TMEM242: variants seen among roughly 807,000 people sequenced by gnomAD.
TMEM242 encodes the protein transmembrane protein 242.
In TMEM242, 10 loss-of-function variants were observed where a neutral mutation model predicts 18.2. That is an observed-to-expected ratio of 0.55 (90% CI 0.34 to 0.93). The LOEUF is 0.93. Among genes scored for constraint, TMEM242 ranks in the 40% least tolerant of loss-of-function variants. TMEM242 has a pLI of 0.02. For missense variants in TMEM242, 186 were observed against 175.5 expected (o/e 1.06, Z -0.34); for synonymous variants, 57 against 69.9 (o/e 0.81, Z 0.92).
chr6:157,294,509 C>T (rs1270574080), intron 3 of TMEM242, among the ~76,000 whole-genome samples: 4 of 151,580 alleles, frequency 2.6e-5, no homozygotes, highest in Non-Finnish European at 4.4e-5. Context: ...CGCCACTACG[C>T]CCGGCTAATT....
intron 3 of TMEM242, among the ~76,000 whole-genome samples, chr6:157,297,216 TGGTAA>T (rs371830909): frequency 4.3e-4 from 65 of 152,300 alleles, no homozygotes; most frequent in Middle Eastern, 3.4e-3. Flanking sequence ...GTGCCATGGC[TGGTAA>T]GAGCAAATCT....
intron 3 of TMEM242, among the ~76,000 whole-genome samples, chr6:157,312,986 A>G (rs374127034): frequency 0.05 from 240 of 4,796 alleles, no homozygotes; most frequent in East Asian, 0.054. Context: ...GCGCTCACCT[A>G]GCCTCATCAT....
intron 3 of TMEM242, among the ~76,000 whole-genome samples, chr6:157,312,798 C>A (rs1441881912): frequency 1.5e-5 from 2 of 135,280 alleles, no homozygotes; most frequent in African/African-American, 5.8e-5. Context: ...ATCATAATGC[C>A]CCAGTGTGAA....
intron 3 of TMEM242, among the ~76,000 whole-genome samples, chr6:157,312,354 C>T (rs1343155093): frequency 1.7e-5 from 2 of 120,852 alleles, no homozygotes; most frequent in African/African-American, 5.9e-5. Flanking sequence ...CTAGCCTCAT[C>T]ATGTCCCAGT....
At chr6:157,300,171 C>A in intron 3 of TMEM242, 1 of 528,680 alleles carries the variant, frequency 1.9e-6, no homozygotes. Flanking sequence ...AAGAAAACTG[C>A]TGACCAGGAC....
chr6:157,315,122 G>C (rs1176009067), intron 3 of TMEM242, among the ~76,000 whole-genome samples: 1 of 152,198 alleles, frequency 6.6e-6, no homozygotes, highest in African/African-American at 2.4e-5. Flanking sequence ...GTCATACAAA[G>C]ATGAGACAGT....
intron 3 of TMEM242, among the ~76,000 whole-genome samples, chr6:157,311,343 C>G (rs1778076291): frequency 7.3e-6 from 1 of 136,192 alleles, no homozygotes; most frequent in Non-Finnish European, 1.6e-5. Flanking sequence ...TCATAGTGTC[C>G]CAGTGTGCGC....
In TMEM242 at chr6:157,292,645, T is replaced by C. The variant is rs1289533665; in HGVS notation, c.*256A>G. Reference sequence around the variant, plus strand: ...ACAAACAGAATCATTTCCTATGGGGTCCCCTCCACATAAGGAAGTTATTCC... The same window carrying C: ...ACAAACAGAATCATTTCCTATGGGGCCCCCTCCACATAAGGAAGTTATTCC... On this transcript the variant is annotated 3_prime_UTR_variant, in exon 4 of 4. Coordinates refer to ENST00000400788, the MANE Select transcript of TMEM242 (RefSeq NM_018452.6). 5.9e-6 allele frequency: 2 copies of C among 339,648 alleles called. No homozygotes were observed. The highest frequency in any genetic ancestry group is 1.1e-5 in the Non-Finnish European group (2 of 188,862). 21.0% of individuals were successfully genotyped at this position (339,648 alleles called of 1,614,324 possible).
At chr6:157,293,985 T>G (rs1777716873) in intron 3 of TMEM242, among the ~76,000 whole-genome samples, 1 of 152,142 alleles carries the variant, frequency 6.6e-6, no homozygotes, top group Non-Finnish European at 1.5e-5. Context: ...TCTCCCAAAG[T>G]GCTGAGATCA....
At chr6:157,312,918 GGCATCATCATAGTGCCCCAGTGTGCGC>G (rs1778228466) in intron 3 of TMEM242, among the ~76,000 whole-genome samples, 2 of 1,378 alleles carry the variant, frequency 1.5e-3, no homozygotes, top group African/African-American at 5.3e-3. Context: ...GCGCTCACCC[GGCATCATCATAGTGCCCCAGTGTGCGC>G]TCACCCGGCC....
At chr6:157,302,714 G>T (rs1777847243) in intron 3 of TMEM242, among the ~76,000 whole-genome samples, 1 of 152,214 alleles carries the variant, frequency 6.6e-6, no homozygotes. Flanking sequence ...TAGCTAGACA[G>T]CTCCCTAGTG....
Position 157,290,215 on chromosome 6 carries a change from G to A in TMEM242, c.*2686C>T, listed in dbSNP as rs1230191060. 1 of 152,120 alleles carries A rather than the reference G, an allele frequency of 6.6e-6. No individual in the cohort carries two copies. Among genetic ancestry groups the A allele is most frequent in the African/African-American group, 2.4e-5 (1 of 41,386 alleles). 9.4% of individuals were successfully genotyped at this position (152,120 alleles called of 1,614,324 possible). On this transcript the variant is annotated 3_prime_UTR_variant, in exon 4 of 4. Coordinates refer to ENST00000400788, the MANE Select transcript of TMEM242 (RefSeq NM_018452.6). ...GTGTAAAGCTTAACACTCACCCAGT[G>A]GAAGCAACAGCCTTACCGAAAGCCT...
At chr6:157,311,101 T>A in intron 3 of TMEM242, among the ~76,000 whole-genome samples, 1 of 150,584 alleles carries the variant, frequency 6.6e-6, no homozygotes, top group Non-Finnish European at 1.5e-5. Flanking sequence ...CACATCATAG[T>A]GTCCCAGTGT....
intron 3 of TMEM242, among the ~76,000 whole-genome samples, chr6:157,308,032 A>G (rs112392641): frequency 1.5e-3 from 232 of 152,354 alleles, no homozygotes; most frequent in African/African-American, 5.4e-3. Context: ...AGTGGCTGCC[A>G]TTAAACAATT....
At chr6:157,322,324 T>G (rs2128418175) in intron 2 of TMEM242, among the ~76,000 whole-genome samples, 1 of 152,062 alleles carries the variant, frequency 6.6e-6, no homozygotes, top group East Asian at 1.9e-4. Flanking sequence ...AGAGATGGGT[T>G]TTCGCCATGT....
intron 3 of TMEM242, chr6:157,318,330 G>A (rs1778440102): frequency 6.1e-6 from 1 of 164,060 alleles, no homozygotes; most frequent in Non-Finnish European, 1.3e-5. Context: ...GTGAGGCTCA[G>A]GTGATCCTCC....
chr6:157,313,019 T>C (rs1554249570), intron 3 of TMEM242, among the ~76,000 whole-genome samples: 1 of 149,386 alleles, frequency 6.7e-6, no homozygotes, highest in Admixed American at 6.7e-5. Context: ...TCCGCTCACC[T>C]AGCCTCATCA....
chr6:157,313,376 CTCA>C (rs1778266326), intron 3 of TMEM242, among the ~76,000 whole-genome samples: 3 of 143,354 alleles, frequency 2.1e-5, no homozygotes, highest in Non-Finnish European at 3.1e-5. Context: ...ATCATAGTGC[CTCA>C]GTGTACGCTC....
Position 157,292,379 on chromosome 6 carries a change from A to G in TMEM242, c.*522T>C, listed in dbSNP as rs1294615682. The G allele has an allele frequency of 6.6e-6, 1 of 152,066 alleles. No individual in the cohort carries two copies. The highest frequency in any genetic ancestry group is 1.5e-5 in the Non-Finnish European group (1 of 68,064). 9.4% of individuals were successfully genotyped at this position (152,066 alleles called of 1,614,324 possible). On this transcript the variant is annotated 3_prime_UTR_variant, in exon 4 of 4. Coordinates refer to ENST00000400788, the MANE Select transcript of TMEM242 (RefSeq NM_018452.6). ...TGGCTGTAAAGCACAGACCACATTT[A>G]GGACCCGAGAGCCACACCCACTTCC... is the stretch of plus-strand genomic sequence containing the variant.
Sources: allele counts gnomAD v4.1 joint callset (sites outside exome capture counted in the v4.1 genomes callset), GRCh38; gene constraint gnomAD v4.1.1; transcripts MANE v1.5; gene names NCBI Gene and HGNC (gene_info 2026-07-23, HGNC 2026-07-21).